ARHGAP15: variants seen among roughly 807,000 people sequenced by gnomAD.
ARHGAP15 encodes the protein Rho GTPase activating protein 15.
In ARHGAP15, 51 loss-of-function variants were observed where a neutral mutation model predicts 63.7. The ratio of observed to expected loss-of-function variants is 0.80; its 90% CI spans 0.64 to 1.01. The LOEUF is 1.01. Among genes scored for constraint, ARHGAP15 ranks in the 50% least tolerant of loss-of-function variants. The probability of loss-of-function intolerance (pLI) is 0.00; values close to 1 mark genes in which losing one functional copy is unlikely to be tolerated. For synonymous variants in ARHGAP15, 191 were observed against 193.8 expected, an observed-to-expected ratio of 0.99 and a Z score of 0.12; for missense variants, 560 against 564.6, an observed-to-expected ratio of 0.99 and a Z score of 0.08.
chr2:143,426,797 T>C lies in ARHGAP15; in HGVS notation c.475-8804T>C, dbSNP rs1689154688. Among the ~76,000 whole-genome samples the C allele has an allele frequency of 2.6e-5, 4 of 152,178 alleles. No individual in the cohort carries two copies. The South Asian group carries it at 8.3e-4, about 31-fold the overall frequency. On this transcript the variant is annotated intron_variant, in intron 6 of 13. Transcript: ENST00000295095. ...CATCCTTGTCTGGAAACTGCCTCAT[T>C]TGGCTATAATTTAACTTGAAGATTA...
chr2:143,238,574 A>T (rs565433774), intron 5 of ARHGAP15, among the ~76,000 whole-genome samples: 2 of 152,308 alleles, frequency 1.3e-5, no homozygotes, highest in East Asian at 1.9e-4. Flanking sequence ...GAGAAAAAGG[A>T]ACACTTTTAC....
chr2:143,357,200 C>G (rs1685848603), intron 6 of ARHGAP15, among the ~76,000 whole-genome samples: 1 of 152,124 alleles, frequency 6.6e-6, no homozygotes, highest in Admixed American at 6.5e-5. Flanking sequence ...TTTCTGTGTG[C>G]ATTCTGCAGT....
chr2:143,367,435 T>G (rs1369151981), intron 6 of ARHGAP15, among the ~76,000 whole-genome samples: 2 of 151,964 alleles, frequency 1.3e-5, no homozygotes, highest in Non-Finnish European at 2.9e-5. Context: ...CCATCCTGTT[T>G]TGAGTCTCAC....
intron 6 of ARHGAP15, among the ~76,000 whole-genome samples, chr2:143,392,417 T>C (rs1687573313): frequency 1.3e-5 from 2 of 152,232 alleles, no homozygotes; most frequent in Non-Finnish European, 2.9e-5. Flanking sequence ...GAAAGACTTA[T>C]ATGTCATCTA....
intron 6 of ARHGAP15, among the ~76,000 whole-genome samples, chr2:143,348,311 C>T (rs1360360620): frequency 6.6e-6 from 1 of 152,094 alleles, no homozygotes; most frequent in Non-Finnish European, 1.5e-5. Flanking sequence ...TAAATTCTGA[C>T]AGTCATCAAA....
intron 5 of ARHGAP15, chr2:143,236,356 CA>C (rs1367035097): frequency 6.2e-6 from 1 of 160,902 alleles, no homozygotes; most frequent in African/African-American, 2.4e-5. Flanking sequence ...ACTATTGTTG[CA>C]AGTCATGTTC....
intron 1 of ARHGAP15, among the ~76,000 whole-genome samples, chr2:143,144,164 T>C (rs1173786501): frequency 1.3e-5 from 2 of 152,060 alleles, no homozygotes; most frequent in East Asian, 3.9e-4. Flanking sequence ...CAGTCTATTG[T>C]TGATGGGCAT....
chr2:143,356,265 C>T (rs961794308), intron 6 of ARHGAP15, among the ~76,000 whole-genome samples: 29 of 152,098 alleles, frequency 1.9e-4, no homozygotes, highest in African/African-American at 5.3e-4. Flanking sequence ...GAGAAGTTAG[C>T]GTGGAATGTT....
intron 6 of ARHGAP15, among the ~76,000 whole-genome samples, chr2:143,306,239 T>C (rs1161404913): frequency 6.6e-6 from 1 of 152,064 alleles, no homozygotes; most frequent in Non-Finnish European, 1.5e-5. Context: ...ACATAGAAAG[T>C]CGTTCTGAGA....
At chr2:143,311,940 C>T (rs943818867) in intron 6 of ARHGAP15, among the ~76,000 whole-genome samples, 5 of 152,130 alleles carry the variant, frequency 3.3e-5, no homozygotes, top group East Asian at 3.9e-4. Context: ...GAACTGTTTA[C>T]GTTGCATTGT....
chr2:143,359,832 G>T (rs968164796), intron 6 of ARHGAP15, among the ~76,000 whole-genome samples: 1 of 152,112 alleles, frequency 6.6e-6, no homozygotes, highest in Non-Finnish European at 1.5e-5. Context: ...TTTACAGAAA[G>T]TAATGTTTTC....
intron 11 of ARHGAP15, among the ~76,000 whole-genome samples, chr2:143,568,709 C>T (rs1023500093): frequency 1.3e-5 from 2 of 152,168 alleles, no homozygotes; most frequent in African/African-American, 2.4e-5. Flanking sequence ...AAGACACATG[C>T]ACACATATGT....
At chr2:143,442,920 G>T (rs1408061233) in intron 8 of ARHGAP15, among the ~76,000 whole-genome samples, 2 of 151,512 alleles carry the variant, frequency 1.3e-5, no homozygotes, top group Admixed American at 1.3e-4. Context: ...CTGAATATAA[G>T]TTACATTAAG....
intron 4 of ARHGAP15, among the ~76,000 whole-genome samples, chr2:143,221,109 C>T (rs1356300197): frequency 6.6e-6 from 1 of 152,100 alleles, no homozygotes; most frequent in Non-Finnish European, 1.5e-5. Flanking sequence ...ATGCCATCAA[C>T]AGTACCAGGT....
intron 4 of ARHGAP15, among the ~76,000 whole-genome samples, chr2:143,226,175 C>G (rs1396752723): frequency 6.6e-6 from 1 of 152,154 alleles, no homozygotes; most frequent in East Asian, 1.9e-4. Context: ...GTTCAAAGTC[C>G]TTATAAAGAA....
At chr2:143,467,724 AAAG>A (rs1277040305) in intron 8 of ARHGAP15, among the ~76,000 whole-genome samples, 9 of 152,106 alleles carry the variant, frequency 5.9e-5, no homozygotes, top group East Asian at 3.8e-4. Context: ...AACTGTTTTA[AAAG>A]AAGAACAAGA....
intron 3 of ARHGAP15, among the ~76,000 whole-genome samples, chr2:143,212,035 T>C (rs1692581930): frequency 1.3e-5 from 2 of 152,204 alleles, no homozygotes. Context: ...TTTATTTCCA[T>C]TTATAAACAG....
intron 10 of ARHGAP15, among the ~76,000 whole-genome samples, chr2:143,532,810 T>C (rs1486745140): frequency 3.9e-5 from 6 of 152,204 alleles, no homozygotes; most frequent in Non-Finnish European, 8.8e-5. Context: ...AAGGATCTAT[T>C]TTAATATTTC....
chr2:143,396,005 A>C (rs1687740311), intron 6 of ARHGAP15, among the ~76,000 whole-genome samples: 1 of 152,080 alleles, frequency 6.6e-6, no homozygotes, highest in Non-Finnish European at 1.5e-5. Context: ...AGAACTCAAA[A>C]ATCCCAGGAA....
Sources: allele counts gnomAD v4.1 joint callset (sites outside exome capture counted in the v4.1 genomes callset), GRCh38; gene constraint gnomAD v4.1.1; transcripts MANE v1.5; gene names NCBI Gene and HGNC (gene_info 2026-07-23, HGNC 2026-07-21).